ROBO1: variants seen among roughly 807,000 people sequenced by gnomAD.
The protein encoded by ROBO1 is roundabout guidance receptor 1, also known as roundabout homolog 1.
In ROBO1, 149 loss-of-function variants were observed where a neutral mutation model predicts 195.9. The observed-to-expected ratio is 0.76, with a 90% confidence interval of 0.67 to 0.87. The LOEUF (loss-of-function observed/expected upper bound fraction) is 0.87. Among genes scored for constraint, ROBO1 ranks in the 40% least tolerant of loss-of-function variants. ROBO1 has a pLI of 0.00. For synonymous variants in ROBO1, 816 were observed against 733.2 expected (o/e 1.11, Z -1.82); for missense variants, 1,933 against 2,068.3 (o/e 0.93, Z 1.27).
At chr3:79,278,479 C>A (rs1232061762) in intron 2 of ROBO1, among the ~76,000 whole-genome samples, 1 of 152,124 alleles carries the variant, frequency 6.6e-6, no homozygotes, top group Non-Finnish European at 1.5e-5. Context: ...CATAATGCTG[C>A]ATGGAAACAG....
chr3:79,641,624 G>A (rs1402202500), intron 1 of ROBO1, among the ~76,000 whole-genome samples: 1 of 152,096 alleles, frequency 6.6e-6, no homozygotes, highest in Non-Finnish European at 1.5e-5. Flanking sequence ...TGAAATGTGA[G>A]CCCTCTGACC....
rs2076907553 is a variant in ROBO1 at position 78,977,525 on chromosome 3, C to A, written c.173-38598G>T. On this transcript the variant is annotated intron_variant, in intron 3 of 30. Transcript: ENST00000464233. ...AATGTAACCTCCTTAAGAACAGGAA[C>A]AGAAATTTTTACATTTTCATATTCT... Among the ~76,000 whole-genome samples, 2 of 151,336 alleles carry A rather than the reference C, an allele frequency of 1.3e-5. 1 individual carries two copies. The highest frequency in any genetic ancestry group is 4.2e-4 in the South Asian group (2 of 4,810).
intron 2 of ROBO1, among the ~76,000 whole-genome samples, chr3:79,330,415 C>T (rs1487741624): frequency 2.7e-5 from 4 of 150,912 alleles, no homozygotes; most frequent in Non-Finnish European, 5.9e-5. Flanking sequence ...TATTTTTCTA[C>T]AGTCCATAAA....
intron 1 of ROBO1, among the ~76,000 whole-genome samples, chr3:79,737,549 TATATC>T (rs1314697008): frequency 1.3e-5 from 2 of 152,118 alleles, no homozygotes; most frequent in Non-Finnish European, 2.9e-5. Context: ...AATCTTAACT[TATATC>T]AGAAGGCAGA....
At chr3:78,938,467 T>C (rs2039940173) in intron 4 of ROBO1, 134 bp downstream of exon 4, 2 of 687,256 alleles carry the variant, frequency 2.9e-6, no homozygotes, top group African/African-American at 1.8e-5. Context: ...TAGTAGATTG[T>C]ATTCACATAC....
At chr3:79,463,235 C>T (rs1402269744) in intron 2 of ROBO1, among the ~76,000 whole-genome samples, 2 of 151,992 alleles carry the variant, frequency 1.3e-5, no homozygotes, top group South Asian at 4.2e-4. Flanking sequence ...GTTAGCTGGG[C>T]GTGGTGGCGG....
chr3:79,127,008 A>G (rs1394933156), intron 2 of ROBO1, among the ~76,000 whole-genome samples: 9 of 129,556 alleles, frequency 6.9e-5, no homozygotes, highest in African/African-American at 2.8e-4. Context: ...GGCTAAAACG[A>G]AAAAAAAAAA....
At chr3:78,933,970 T>G (rs1044605896) in intron 4 of ROBO1, among the ~76,000 whole-genome samples, 4 of 151,966 alleles carry the variant, frequency 2.6e-5, no homozygotes, top group Non-Finnish European at 5.9e-5. Flanking sequence ...GAAATTAATT[T>G]AAATAAATTT....
intron 2 of ROBO1, among the ~76,000 whole-genome samples, chr3:79,505,071 G>A (rs1940316207): frequency 1.3e-5 from 2 of 151,836 alleles, no homozygotes; most frequent in African/African-American, 4.8e-5. Context: ...TAACAATTAT[G>A]TTCTTACTTA....
intron 1 of ROBO1, among the ~76,000 whole-genome samples, chr3:79,660,752 A>G (rs1474118685): frequency 6.6e-6 from 1 of 152,086 alleles, no homozygotes; most frequent in East Asian, 1.9e-4. Context: ...GATTCTTGGT[A>G]TTCTAATACC....
chr3:78,642,773 CTT>C (rs1706045464), intron 21 of ROBO1, among the ~76,000 whole-genome samples: 1 of 152,114 alleles, frequency 6.6e-6, no homozygotes, highest in Non-Finnish European at 1.5e-5. Context: ...GAAGCAGTCT[CTT>C]TGCTTACCAC....
At chr3:78,950,953 T>C (rs2040744441) in intron 3 of ROBO1, among the ~76,000 whole-genome samples, 1 of 151,892 alleles carries the variant, frequency 6.6e-6, no homozygotes, top group Non-Finnish European at 1.5e-5. Context: ...GTTTGCACAA[T>C]TAAAATTCAA....
chr3:79,027,123 A>G (rs2078216177), intron 3 of ROBO1, among the ~76,000 whole-genome samples: 2 of 152,124 alleles, frequency 1.3e-5, no homozygotes, highest in South Asian at 4.1e-4. Context: ...GATTGCCGTT[A>G]TCTGGGCATT....
intron 2 of ROBO1, among the ~76,000 whole-genome samples, chr3:79,185,116 C>A (rs2081414737): frequency 6.6e-6 from 1 of 152,112 alleles, no homozygotes; most frequent in Admixed American, 6.5e-5. Flanking sequence ...AGAGGAAGCA[C>A]ACGTACAACA....
chr3:79,511,871 G>A (rs1383300099), intron 2 of ROBO1, among the ~76,000 whole-genome samples: 1 of 152,102 alleles, frequency 6.6e-6, no homozygotes, highest in African/African-American at 2.4e-5. Context: ...GCTAAGTGAT[G>A]AGAACACATG....
At chr3:79,299,360 G>C (rs17395749) in intron 2 of ROBO1, among the ~76,000 whole-genome samples, 14,574 of 152,152 alleles carry the variant, frequency 0.096, 769 homozygotes, top group Middle Eastern at 0.14. Context: ...TCTTCACCAG[G>C]AAAGGGATTA....
At chr3:79,485,615 T>A (rs2107413624) in intron 2 of ROBO1, among the ~76,000 whole-genome samples, 1 of 152,272 alleles carries the variant, frequency 6.6e-6, no homozygotes, top group African/African-American at 2.4e-5. Context: ...CAGATACTGT[T>A]CTCAGCGCTT....
chr3:79,549,960 A>AT (rs1030536114), intron 2 of ROBO1, among the ~76,000 whole-genome samples: 1 of 149,372 alleles, frequency 6.7e-6, no homozygotes. Flanking sequence ...CATCATCTCT[A>AT]TAAAAAAATT....
chr3:79,720,145 G>T (rs897636895), intron 1 of ROBO1, among the ~76,000 whole-genome samples: 1 of 152,222 alleles, frequency 6.6e-6, no homozygotes, highest in East Asian at 1.9e-4. Flanking sequence ...TCCAGTATTC[G>T]TGCCCTTTAT....
Sources: allele counts gnomAD v4.1 joint callset (sites outside exome capture counted in the v4.1 genomes callset), GRCh38; gene constraint gnomAD v4.1.1; transcripts MANE v1.5; gene names NCBI Gene and HGNC (gene_info 2026-07-23, HGNC 2026-07-21).